GPNMB: variants seen among roughly 807,000 people sequenced by gnomAD.
GPNMB encodes the protein glycoprotein nmb, also known as transmembrane glycoprotein NMB.
Under a neutral mutation model 57.3 loss-of-function variants are expected in GPNMB, and 71 were observed. The ratio of observed to expected loss-of-function variants is 1.24; its 90% CI spans 1.02 to 1.51. The LOEUF (loss-of-function observed/expected upper bound fraction) is 1.51. GPNMB is among the 40% of genes most tolerant of loss of function. The pLI, the probability that GPNMB is intolerant of heterozygous loss-of-function variation, is 0.00. For missense variants in GPNMB, 677 were observed against 691.9 expected (o/e 0.98, Z 0.24); for synonymous variants, 253 against 263.2 (o/e 0.96, Z 0.38).
chr7:23,260,905 G>A (rs1782907487), intron 6 of GPNMB, 132 bp downstream of exon 6: 1 of 650,886 alleles, frequency 1.5e-6, no homozygotes, highest in East Asian at 3.0e-5. Context: ...TCTACCTGTT[G>A]ATTTTTTAAA....
Position 23,261,650 on chromosome 7 carries a change from C to T in GPNMB, c.1018+877C>T, listed in dbSNP as rs150606348. ...CTGTCGGGGGGTAGGGGTAGGGAGG[C>T]GGGATGGCATTAACAGAAATACCTA... On this transcript the variant is annotated intron_variant, in intron 6 of 10. Transcript: ENST00000258733. Among the ~76,000 whole-genome samples the T allele has an allele frequency of 2.6e-3, 395 of 151,862 alleles. 1 individual carries two copies. Among genetic ancestry groups the T allele is most frequent in the African/African-American group, 8.9e-3 (370 of 41,360 alleles).
At chr7:23,258,948 C>G (rs1479447544) in intron 4 of GPNMB, among the ~76,000 whole-genome samples, 1 of 152,218 alleles carries the variant, frequency 6.6e-6, no homozygotes, top group Non-Finnish European at 1.5e-5. Context: ...AACCAGGCCC[C>G]CTGGCAGGAT....
chr7:23,260,673 T>G lies in GPNMB; in HGVS notation c.918T>G (p.Asn306Lys). Residue 306 changes from asparagine to lysine, a missense_variant, in exon 6 of 11, where the codon AAT (asparagine) becomes AAG (lysine). Asn to Lys is a moderately conservative substitution (Grantham distance 94). Coordinates refer to ENST00000258733, the MANE Select transcript of GPNMB (RefSeq NM_002510.3). The stretch of plus-strand genomic sequence containing the variant: ...CTGTGAATCACACGTATGTGCTCAA[T>G]GGAACCTTCAGCCTTAACCTCACTG... ...NHTVNHTYVL[N>K]GTFSLNLTVK... 1 of 1,614,016 alleles carries G rather than the reference T, an allele frequency of 6.2e-7. No individual in the cohort carries two copies. The highest frequency in any genetic ancestry group is 1.1e-5 in the South Asian group (1 of 91,064).
At chr7:23,256,685 ACC>A (rs1196794810) in intron 3 of GPNMB, among the ~76,000 whole-genome samples, 1 of 152,240 alleles carries the variant, frequency 6.6e-6, no homozygotes, top group Non-Finnish European at 1.5e-5. Context: ...TTTGTATAAA[ACC>A]TTCATTGAAA....
intron 8 of GPNMB, 150 bp from the exon 9 acceptor site, chr7:23,269,817 T>A: frequency 1.5e-6 from 1 of 655,692 alleles, no homozygotes; most frequent in Non-Finnish European, 2.7e-6. Context: ...ATTATAAGAC[T>A]AACAATTCAG....
At chr7:23,258,274 G>A (rs973234386) in intron 4 of GPNMB, among the ~76,000 whole-genome samples, 1 of 152,176 alleles carries the variant, frequency 6.6e-6, no homozygotes, top group African/African-American at 2.4e-5. Context: ...AGATTAGAGA[G>A]AGCTCCTCTT....
At position 23,262,608 on chromosome 7, in the gene GPNMB, C is replaced by CTTTTT. The variant is rs58011121; in HGVS notation, c.1018+1859_1018+1863dup. ...GTACTGTCATTTATTTCACCATTCT[C>CTTTTT]TTTTTTTTTTTTTTTTTTTTTTTTT... On this transcript the variant is annotated intron_variant, in intron 6 of 10. Transcript: ENST00000258733. 2.9e-4 allele frequency among the ~76,000 whole-genome samples: 18 copies of CTTTTT among 62,852 alleles called. 1 individual carries two copies. The highest frequency in any genetic ancestry group is 1.0e-3 in the South Asian group (1 of 990). 41.2% of individuals were successfully genotyped at this position (62,852 alleles called of 152,430 possible). A position where few individuals can be genotyped will look rare whatever the true frequency, so the allele number is the denominator to read the frequency against.
intron 8 of GPNMB, among the ~76,000 whole-genome samples, chr7:23,269,667 G>A (rs1464448461): frequency 6.6e-6 from 1 of 152,164 alleles, no homozygotes; most frequent in African/African-American, 2.4e-5. Context: ...GAATATAGAG[G>A]GAGTGAGCTG....
intron 6 of GPNMB, among the ~76,000 whole-genome samples, chr7:23,261,851 C>T (rs1468620019): frequency 6.6e-6 from 1 of 151,902 alleles, no homozygotes; most frequent in Non-Finnish European, 1.5e-5. Flanking sequence ...TCAATACCAC[C>T]CTATATTAAT....
chr7:23,260,976 C>A (rs1441662414), intron 6 of GPNMB, among the ~76,000 whole-genome samples: 1 of 152,174 alleles, frequency 6.6e-6, no homozygotes, highest in Non-Finnish European at 1.5e-5. Context: ...TATGTAAAGT[C>A]ACTTTGCAAA....
chr7:23,250,880 C>T (rs1259331706), intron 1 of GPNMB: 3 of 152,116 alleles, frequency 2.0e-5, no homozygotes, highest in Non-Finnish European at 4.4e-5. Flanking sequence ...ATATCATTTC[C>T]CTAGGCCTGA....
At chr7:23,247,729 G>C (rs1262133407) in intron 1 of GPNMB, 1 of 152,208 alleles carries the variant, frequency 6.6e-6, no homozygotes, top group Non-Finnish European at 1.5e-5. Flanking sequence ...CGTGGGCCGC[G>C]CCCCGGCCCA....
chr7:23,273,223 G>A (rs887261516), intron 9 of GPNMB: 14 of 278,548 alleles, frequency 5.0e-5, no homozygotes, highest in African/African-American at 3.1e-4. Context: ...CTGATCACAG[G>A]AGCCCTTCCA....
rs778007708 is a variant in GPNMB at position 23,246,877 on chromosome 7, T to C, written c.20T>C (p.Phe7Ser). The C allele has an allele frequency of 1.2e-6, 2 of 1,613,882 alleles. No homozygotes were observed. Among genetic ancestry groups the C allele is most frequent in the Non-Finnish European group, 1.7e-6 (2 of 1,179,810 alleles). The change falls in exon 1 of 11, where the codon TTC (phenylalanine) becomes TCC (serine). Residue 7 changes from phenylalanine (F) to serine (S), a missense_variant. Phe to Ser is a radical substitution (Grantham distance 155). Coordinates refer to ENST00000258733, the MANE Select transcript of GPNMB (RefSeq NM_002510.3). MECLYY[F>S]LGFLLLAARL... ...TTCAGCATGGAATGTCTCTACTATT[T>C]CCTGGGATTTCTGCTCCTGGCTGCA...
intron 6 of GPNMB, among the ~76,000 whole-genome samples, chr7:23,261,250 T>C (rs1165236346): frequency 6.6e-6 from 1 of 152,146 alleles, no homozygotes; most frequent in Non-Finnish European, 1.5e-5. Flanking sequence ...AATTTCCAAA[T>C]GGTCCAAGAA....
At chr7:23,259,519 T>C (rs1462649672) in intron 4 of GPNMB, among the ~76,000 whole-genome samples, 1 of 152,206 alleles carries the variant, frequency 6.6e-6, no homozygotes, top group South Asian at 2.1e-4. Flanking sequence ...TATTAGGAGA[T>C]GGAGGATTCC....
At chr7:23,263,868 C>CG (rs1782991613) in intron 6 of GPNMB, among the ~76,000 whole-genome samples, 1 of 151,630 alleles carries the variant, frequency 6.6e-6, no homozygotes, top group African/African-American at 2.4e-5. Context: ...ATTGTTTGGC[C>CG]AAAAAATATG....
intron 1 of GPNMB, among the ~76,000 whole-genome samples, chr7:23,252,268 T>A (rs1005957046): frequency 6.6e-6 from 1 of 152,258 alleles, no homozygotes; most frequent in Non-Finnish European, 1.5e-5. Flanking sequence ...ATGTGAATTA[T>A]CTAAACCCTG....
intron 9 of GPNMB, among the ~76,000 whole-genome samples, chr7:23,271,324 G>C (rs890470367): frequency 4.6e-5 from 7 of 152,188 alleles, no homozygotes; most frequent in Non-Finnish European, 8.8e-5. Context: ...CCATCGGTCT[G>C]GGGGTGGGGG....
Sources: gnomAD v4.1 joint callset for allele counts (sites outside exome capture counted in the v4.1 genomes callset) on GRCh38, gnomAD v4.1.1 for gene constraint, MANE v1.5 for transcripts, NCBI Gene and HGNC (gene_info 2026-07-23, HGNC 2026-07-21) for gene names.